The following BRI3BP variants were observed in gnomAD, a reference collection of about 807,000 sequenced individuals.
BRI3BP encodes BRI3 binding protein, also known as BRI3-binding protein.
A neutral mutation model predicts 15.8 loss-of-function variants in BRI3BP; 7 were observed. That is an observed-to-expected ratio of 0.44 (90% CI 0.25 to 0.83). BRI3BP has a LOEUF of 0.83. BRI3BP is among the 40% of genes least tolerant of loss of function. The probability of loss-of-function intolerance (pLI) is 0.20; values close to 1 mark genes in which losing one functional copy is unlikely to be tolerated. For missense variants in BRI3BP, 320 were observed against 339.3 expected (o/e 0.94, Z 0.45); for synonymous variants, 192 against 163.5 (o/e 1.17, Z -1.33).
intron 2 of BRI3BP, among the ~76,000 whole-genome samples, chr12:125,013,873 G>A (rs148651184): frequency 7.0e-4 from 106 of 152,260 alleles, no homozygotes; most frequent in Non-Finnish European, 1.3e-3. Flanking sequence ...TGGTCTTGGC[G>A]GATGGCAAGG....
At chr12:125,000,071 C>CT (rs35258984) in intron 1 of BRI3BP, among the ~76,000 whole-genome samples, 13,369 of 39,308 alleles carry the variant, frequency 0.34, 1,898 homozygotes, top group Middle Eastern at 0.57. Flanking sequence ...TTTGTTTTTG[C>CT]TTTTTTTTTT....
At position 125,012,645 on chromosome 12, in the gene BRI3BP, A is replaced by G. The variant is rs958919934; in HGVS notation, c.316+9A>G. On this transcript the variant is annotated intron_variant, in intron 2 of 2. Coordinates refer to ENST00000341446, the MANE Select transcript of BRI3BP (RefSeq NM_080626.6). The stretch of plus-strand genomic sequence containing the variant: ...TGTTCTTGGACTTGACGGTAGGTGT[A>G]GGGGTGGCATTCACGTAAGGTGTCA... 2.5e-6 allele frequency: 4 copies of G among 1,576,422 alleles called. No homozygotes were observed. The African/African-American group carries it at 4.1e-5, about 16-fold the overall frequency.
chr12:125,036,301 T>G, the BRI3BP span, among the ~76,000 whole-genome samples: 1 of 151,578 alleles, frequency 6.6e-6, no homozygotes, highest in Non-Finnish European at 1.5e-5. Context: ...CCTGACCTTC[T>G]GATCCCCCGC....
the BRI3BP span, among the ~76,000 whole-genome samples, chr12:125,038,946 C>T: frequency 8.6e-5 from 13 of 151,926 alleles, no homozygotes; most frequent in African/African-American, 2.9e-4. Context: ...AAAAATTAGC[C>T]GGGCATGGTG....
chr12:125,018,413 T>C (rs1189437501), intron 2 of BRI3BP, among the ~76,000 whole-genome samples: 1 of 151,800 alleles, frequency 6.6e-6, no homozygotes, highest in Non-Finnish European at 1.5e-5. Flanking sequence ...GTAGGGTGAG[T>C]CCCAAATCCA....
chr12:125,026,433 ATAAGCAAGCCTTT>A lies in BRI3BP; in HGVS notation c.*1004_*1016del, dbSNP rs1246689826. ...AGATCCTCAGGAACAATTAGCAGCA[ATAAGCAAGCCTTT>A]GAAAAGATCTGAATTCTTTTTCCTG... is the stretch of plus-strand genomic sequence containing the variant. On this transcript the variant is annotated 3_prime_UTR_variant, in exon 3 of 3. Coordinates refer to ENST00000341446, the MANE Select transcript of BRI3BP (RefSeq NM_080626.6). 1 of 152,188 alleles carries A rather than the reference ATAAGCAAGCCTTT, an allele frequency of 6.6e-6. No homozygotes were observed. Among genetic ancestry groups the A allele is most frequent in the Non-Finnish European group, 1.5e-5 (1 of 68,034 alleles). 9.4% of individuals were successfully genotyped at this position (152,188 alleles called of 1,614,324 possible).
At position 124,994,041 on chromosome 12, in the gene BRI3BP, G is replaced by A. The variant is rs1475238425; in HGVS notation, c.213+38G>A. The stretch of plus-strand genomic sequence containing the variant: ...CCCGCGCCCGCGGTCACCTTGCCCC[G>A]GTCGCCACGCACCTGGCTACCGGGG... On this transcript the variant is annotated intron_variant, in intron 1 of 2. Transcript: ENST00000341446. 3 of 1,237,468 alleles carry A rather than the reference G, an allele frequency of 2.4e-6. No homozygotes were observed. In the African/African-American group the frequency reaches 4.8e-5, roughly 20 times the overall value. 76.7% of individuals were successfully genotyped at this position (1,237,468 alleles called of 1,614,324 possible).
intron 2 of BRI3BP, among the ~76,000 whole-genome samples, chr12:125,013,972 G>C: frequency 6.6e-6 from 1 of 152,154 alleles, no homozygotes; most frequent in East Asian, 1.9e-4. Flanking sequence ...CTTCCCAGGT[G>C]GCTCTGCCCC....
chr12:125,000,315 T>TG (rs1565901617), intron 1 of BRI3BP, among the ~76,000 whole-genome samples: 19 of 139,002 alleles, frequency 1.4e-4, no homozygotes, highest in African/African-American at 3.7e-4. Flanking sequence ...ATGATTTTTT[T>TG]TTTTTTTTTT....
chr12:125,013,605 C>A (rs1037147339), intron 2 of BRI3BP, among the ~76,000 whole-genome samples: 1 of 152,176 alleles, frequency 6.6e-6, no homozygotes, highest in African/African-American at 2.4e-5. Flanking sequence ...CAGGCTAATG[C>A]GGTTCTTAGC....
chr12:125,005,139 C>T (rs1353299283), intron 1 of BRI3BP, among the ~76,000 whole-genome samples: 4 of 152,036 alleles, frequency 2.6e-5, no homozygotes, highest in Admixed American at 6.6e-5. Flanking sequence ...TGAGCCACAG[C>T]GCCCAGCCGG....
Position 125,025,661 on chromosome 12 carries a change from A to G in BRI3BP, c.*231A>G. On this transcript the variant is annotated 3_prime_UTR_variant, in exon 3 of 3. Transcript: ENST00000341446. ...CGAAGTGTAATTAGTGGGGGAAAAA[A>G]TATTTTTTAAACAAAGGATATAACC... 5.8e-6 allele frequency: 3 copies of G among 514,288 alleles called. No individual in the cohort carries two copies. The highest frequency in any genetic ancestry group is 3.4e-5 in the South Asian group (1 of 29,270). The allele number at this position is 514,288 out of a possible 1,614,324, so 31.9% of individuals were successfully genotyped here.
At chr12:125,006,128 C>G (rs1294692910) in intron 1 of BRI3BP, among the ~76,000 whole-genome samples, 1 of 152,152 alleles carries the variant, frequency 6.6e-6, no homozygotes, top group East Asian at 1.9e-4. Context: ...TATCTCATTT[C>G]AGCTTAATCA....
downstream of BRI3BP, chr12:125,031,258 T>C (rs1444219151): frequency 6.6e-6 from 1 of 152,202 alleles, no homozygotes; most frequent in Non-Finnish European, 1.5e-5. Context: ...CCAGTTTTGA[T>C]GTGTAACCAG....
intron 1 of BRI3BP, 128 bp from the exon 2 acceptor site, chr12:125,012,406 T>G: frequency 2.8e-6 from 2 of 714,150 alleles, no homozygotes; most frequent in Non-Finnish European, 5.0e-6. Context: ...GTAGTCCACA[T>G]GTGTGGTATT....
chr12:125,045,549 A>T, the BRI3BP span, among the ~76,000 whole-genome samples: 1 of 152,016 alleles, frequency 6.6e-6, no homozygotes, highest in South Asian at 2.1e-4. Context: ...TGTCAGGCTG[A>T]TCTCGAACTC....
intron 1 of BRI3BP, 128 bp from the exon 2 acceptor site, chr12:125,012,404 CAT>C: frequency 5.5e-6 from 4 of 731,720 alleles, no homozygotes; most frequent in Non-Finnish European, 9.8e-6. Flanking sequence ...CAGTAGTCCA[CAT>C]GTGTGGTATT....
At chr12:125,046,645 C>G in the BRI3BP span, among the ~76,000 whole-genome samples, 5 of 152,318 alleles carry the variant, frequency 3.3e-5, no homozygotes, top group African/African-American at 7.2e-5. Context: ...CCTACCAGAG[C>G]TGGAAGCTGT....
intron 2 of BRI3BP, among the ~76,000 whole-genome samples, chr12:125,013,460 G>A (rs1448874987): frequency 6.6e-6 from 1 of 152,212 alleles, no homozygotes; most frequent in East Asian, 1.9e-4. Context: ...TTTGCATGTG[G>A]GTGCAGGGAC....
Sources: allele counts gnomAD v4.1 joint callset (sites outside exome capture counted in the v4.1 genomes callset), GRCh38; gene constraint gnomAD v4.1.1; transcripts MANE v1.5; gene names NCBI Gene and HGNC (gene_info 2026-07-23, HGNC 2026-07-21).